The following FAM53B variants were observed in gnomAD, a reference collection of about 807,000 sequenced individuals.
The protein encoded by FAM53B is protein FAM53B.
A neutral mutation model predicts 32.7 loss-of-function variants in FAM53B; 12 were observed. That is an observed-to-expected ratio of 0.37 (90% CI 0.24 to 0.59). FAM53B has a LOEUF of 0.59. Among genes scored for constraint, FAM53B ranks in the 20% least tolerant of loss-of-function variants. The pLI, the probability that FAM53B is intolerant of heterozygous loss-of-function variation, is 0.72. For synonymous variants in FAM53B, 234 were observed against 228.7 expected (o/e 1.02, Z -0.21); for missense variants, 477 against 577.7 (o/e 0.83, Z 1.79).
chr10:124,732,194 C>G (rs1204503408), intron 1 of FAM53B, among the ~76,000 whole-genome samples: 5 of 152,228 alleles, frequency 3.3e-5, no homozygotes, highest in African/African-American at 1.2e-4. Context: ...TGCCTGGGCT[C>G]CAGCTCTCGC....
At chr10:124,701,869 A>G (rs2134081776) in intron 2 of FAM53B, among the ~76,000 whole-genome samples, 1 of 152,330 alleles carries the variant, frequency 6.6e-6, no homozygotes, top group Middle Eastern at 3.4e-3. Flanking sequence ...TTTTTCCCAC[A>G]TCTTTCTTTG....
intron 4 of FAM53B, among the ~76,000 whole-genome samples, chr10:124,652,837 C>T (rs1430996613): frequency 6.6e-6 from 1 of 152,188 alleles, no homozygotes; most frequent in African/African-American, 2.4e-5. Flanking sequence ...AATCTACTAG[C>T]TGGAACCCTC....
Position 124,656,895 on chromosome 10 carries a change from G to C in FAM53B, c.906+24712C>G, listed in dbSNP as rs186441409. On this transcript the variant is annotated intron_variant, in intron 4 of 4. Coordinates refer to ENST00000337318, the MANE Select transcript of FAM53B (RefSeq NM_014661.4). ...CACACACCGGGGCCTGTTGTGGGGT[G>C]GGGGGAGAGGGGAGGGATAGCATTA... Among the ~76,000 whole-genome samples, 360 of 151,958 alleles carry C rather than the reference G, an allele frequency of 2.4e-3. 4 individuals carry two copies. Among genetic ancestry groups the C allele is most frequent in the Non-Finnish European group, 6.5e-4 (44 of 67,974 alleles).
At chr10:124,713,049 A>T (rs7075308) in intron 1 of FAM53B, among the ~76,000 whole-genome samples, 7,910 of 152,132 alleles carry the variant, frequency 0.052, 650 homozygotes, top group African/African-American at 0.18. Context: ...GGTCAGCAAG[A>T]CGCCCCATGC....
chr10:124,669,669 G>A (rs1348542487), intron 4 of FAM53B, among the ~76,000 whole-genome samples: 1 of 152,226 alleles, frequency 6.6e-6, no homozygotes, highest in Non-Finnish European at 1.5e-5. Flanking sequence ...ACTTCCCGGG[G>A]CCCTGTGCTT....
chr10:124,706,325 G>A (rs1465346081), intron 2 of FAM53B, among the ~76,000 whole-genome samples: 1 of 152,206 alleles, frequency 6.6e-6, no homozygotes, highest in Non-Finnish European at 1.5e-5. Context: ...CTTAATGGGT[G>A]GAGACAGAAG....
intron 4 of FAM53B, among the ~76,000 whole-genome samples, chr10:124,644,249 C>T (rs1317024157): frequency 6.6e-6 from 1 of 152,196 alleles, no homozygotes; most frequent in African/African-American, 2.4e-5. Flanking sequence ...GCTAGCTCAC[C>T]GAGTTAGCTG....
rs1214750435 is a variant in FAM53B at position 124,733,753 on chromosome 10, C to T, written c.-175+10260G>A. 6.6e-6 allele frequency among the ~76,000 whole-genome samples: 1 copy of T among 152,238 alleles called. No homozygotes were observed. Among genetic ancestry groups the T allele is most frequent in the African/African-American group, 2.4e-5 (1 of 41,472 alleles). ...ATTCTCAGAGGCTAGTCTCATGCTT[C>T]TCCAGGAAGGTCACTCCAAGGTCAA... On this transcript the variant is annotated intron_variant, in intron 1 of 4. Transcript: ENST00000337318. The surrounding 1 kb of genome is among the most constrained non-coding windows in gnomAD (Gnocchi z 4.3).
At chr10:124,714,064 C>T (rs1950023541) in intron 1 of FAM53B, 1 of 152,176 alleles carries the variant, frequency 6.6e-6, no homozygotes, top group Admixed American at 6.5e-5. Context: ...CACGTTGTCT[C>T]CTGCCAAATT....
At position 124,681,727 on chromosome 10, in the gene FAM53B, G is replaced by A; in HGVS notation, c.786C>T (p.Gly262=). The change falls in exon 4 of 5, where the codon GGC becomes GGT. Residue 262 remains glycine, a synonymous_variant. Transcript: ENST00000337318. ...ACGGCTGGGAGCGGCTGCGGGAAAG[G>A]CCGCTGGAGCGTCTCGCCAGCTCTG... ...STPELARRSS[G]LSRSRSQPCV... is the part of the protein sequence containing the mutation. 1 of 1,610,704 alleles carries A rather than the reference G, an allele frequency of 6.2e-7. No homozygotes were observed. The highest frequency in any genetic ancestry group is 1.1e-5 in the South Asian group (1 of 90,388).
chr10:124,657,335 G>A (rs1018474868), intron 4 of FAM53B, among the ~76,000 whole-genome samples: 3 of 151,822 alleles, frequency 2.0e-5, no homozygotes, highest in African/African-American at 2.4e-5. Flanking sequence ...CAACAAATTC[G>A]TATTTCTTGT....
At chr10:124,662,364 G>T (rs919844988) in intron 4 of FAM53B, among the ~76,000 whole-genome samples, 1 of 152,196 alleles carries the variant, frequency 6.6e-6, no homozygotes, top group South Asian at 2.1e-4. Context: ...AGGAGCTGAT[G>T]TGCCCAATGG....
intron 4 of FAM53B, among the ~76,000 whole-genome samples, chr10:124,668,942 C>T (rs934011605): frequency 5.9e-5 from 9 of 152,356 alleles, no homozygotes; most frequent in African/African-American, 9.6e-5. Context: ...GCGCCTCTCA[C>T]GGAGGGAAGT....
At chr10:124,729,739 G>A (rs1950129237) in intron 1 of FAM53B, among the ~76,000 whole-genome samples, 1 of 152,200 alleles carries the variant, frequency 6.6e-6, no homozygotes, top group South Asian at 2.1e-4. Context: ...AATGTAGACA[G>A]CGTGGACTAC....
At chr10:124,695,793 A>G (rs1454960112) in intron 3 of FAM53B, among the ~76,000 whole-genome samples, 1 of 152,252 alleles carries the variant, frequency 6.6e-6, no homozygotes, top group Non-Finnish European at 1.5e-5. Flanking sequence ...GCTATATAAA[A>G]AATGCTAAGA....
At chr10:124,639,369 A>G (rs527509002) in intron 4 of FAM53B, among the ~76,000 whole-genome samples, 1 of 152,366 alleles carries the variant, frequency 6.6e-6, no homozygotes, top group Non-Finnish European at 1.5e-5. Flanking sequence ...AGCAGTGGGC[A>G]TGCAGCCCGG....
chr10:124,662,500 AT>A (rs1949640083), intron 4 of FAM53B, among the ~76,000 whole-genome samples: 1 of 134,866 alleles, frequency 7.4e-6, no homozygotes, highest in Non-Finnish European at 1.6e-5. Flanking sequence ...CCATCCATCC[AT>A]CCATCCATCC....
intron 4 of FAM53B, among the ~76,000 whole-genome samples, chr10:124,655,249 C>T (rs769369071): frequency 6.6e-6 from 1 of 152,206 alleles, no homozygotes; most frequent in Non-Finnish European, 1.5e-5. Context: ...TCCCCACCCA[C>T]ACCCTGGGAC....
At chr10:124,725,245 C>T (rs1950094388) in intron 1 of FAM53B, among the ~76,000 whole-genome samples, 1 of 152,250 alleles carries the variant, frequency 6.6e-6, no homozygotes. Flanking sequence ...TAGATGTGAG[C>T]ATGGCTGACT....
Sources: allele counts gnomAD v4.1 joint callset (sites outside exome capture counted in the v4.1 genomes callset), GRCh38; gene constraint gnomAD v4.1.1; non-coding constraint Gnocchi (gnomAD v3.1); transcripts MANE v1.5; gene names NCBI Gene and HGNC (gene_info 2026-07-23, HGNC 2026-07-21).